Variants in GLRA2 observed in about 807,000 individuals in gnomAD.
GLRA2 encodes the protein glycine receptor subunit alpha-2.
In GLRA2, 11 loss-of-function variants were observed where a neutral mutation model predicts 31.6. The observed-to-expected ratio is 0.35, with a 90% CI of 0.22 to 0.58. The LOEUF (loss-of-function observed/expected upper bound fraction) is 0.58, where lower values mean the gene tolerates loss of function less well. Ranked by LOEUF, GLRA2 falls within the 20% of genes least tolerant of loss-of-function variation. GLRA2 has a pLI of 0.84. For synonymous variants in GLRA2, 132 were observed against 134.0 expected, an observed-to-expected ratio of 0.99 and a Z score of 0.10; for missense variants, 212 against 351.8, an observed-to-expected ratio of 0.60 and a Z score of 3.18.
Position 14,690,717 on chromosome X carries a change from A to G in GLRA2, c.938A>G (p.Tyr313Cys). Residue 313 changes from tyrosine (Y) to cysteine (C), a missense_variant, in exon 8 of 9, where the codon TAT becomes TGT. Physicochemically the swap from Tyr to Cys is radical, Grantham distance 194. Transcript: ENST00000218075. The part of the protein sequence containing the change: ...GSRASLPKVS[Y>C]VKAIDIWMAV... The stretch of plus-strand genomic sequence containing the variant: ...TCTCTCTCTCTCTCTCAGGTCTCCT[A>G]TGTAAAAGCGATTGACATCTGGATG... 8.5e-7 allele frequency: 1 copy of G among 1,180,269 alleles called. No individual in the cohort carries two copies. The highest frequency in any genetic ancestry group is 1.2e-6 in the Non-Finnish European group (1 of 868,485).
intron 7 of GLRA2, among the ~76,000 whole-genome samples, chrX:14,630,813 T>C (rs1315074505): frequency 2.8e-5 from 3 of 108,670 alleles, no homozygotes. Context: ...CTTTTTTTTT[T>C]TTTTTTTTAA....
At chrX:14,455,008 CT>C in the GLRA2 span, among the ~76,000 whole-genome samples, 1 of 111,730 alleles carries the variant, frequency 9.0e-6, no homozygotes, top group African/African-American at 3.2e-5. Flanking sequence ...GTTTGTTCTT[CT>C]GTTAATTTGC....
At chrX:14,544,402 C>T (rs1002905656) in intron 2 of GLRA2, among the ~76,000 whole-genome samples, 2 of 109,224 alleles carry the variant, frequency 1.8e-5, no homozygotes, top group African/African-American at 6.5e-5. Context: ...GAAGAATTTT[C>T]TTTTGGATTG....
At chrX:14,518,569 C>T in the GLRA2 span, among the ~76,000 whole-genome samples, 542 of 111,615 alleles carry the variant, frequency 4.9e-3, 4 homozygotes, top group African/African-American at 0.017. Context: ...TGTACAATTA[C>T]ATAATATTGA....
At chrX:14,580,460 G>A (rs2090004523) in intron 3 of GLRA2, among the ~76,000 whole-genome samples, 2 of 111,476 alleles carry the variant, frequency 1.8e-5, no homozygotes, top group Admixed American at 1.9e-4. Flanking sequence ...CTGCCCCCAA[G>A]CTATTCATTA....
At chrX:14,481,503 C>T in the GLRA2 span, among the ~76,000 whole-genome samples, 12 of 111,190 alleles carry the variant, frequency 1.1e-4, no homozygotes, top group East Asian at 3.4e-3. Context: ...ATCCAGCTGC[C>T]CATTCTCTTG....
intron 8 of GLRA2, among the ~76,000 whole-genome samples, chrX:14,702,689 C>A (rs1296822470): frequency 9.0e-6 from 1 of 111,192 alleles, no homozygotes; most frequent in Non-Finnish European, 1.9e-5. Context: ...AGGTTAAAAT[C>A]AAGGTATTGG....
At chrX:14,540,721 A>G (rs764846537) in intron 2 of GLRA2, among the ~76,000 whole-genome samples, 4 of 111,558 alleles carry the variant, frequency 3.6e-5, no homozygotes, top group African/African-American at 1.3e-4. Context: ...ATCCCAATAG[A>G]TAAGTGCTAT....
rs1030719044 is a variant in GLRA2, at chrX:14,590,810, A to G, written c.494+9404A>G. On this transcript the variant is annotated intron_variant, in intron 4 of 8. Transcript: ENST00000218075. Reference sequence around the variant, plus strand: ...GACTTAAGTAATTAATGTCTGTAACATAAGCGTCCACATCAGAATTAAGCA... The same window carrying G: ...GACTTAAGTAATTAATGTCTGTAACGTAAGCGTCCACATCAGAATTAAGCA... Among the ~76,000 whole-genome samples, 5 of 112,381 alleles carry G rather than the reference A, an allele frequency of 4.4e-5. No homozygotes were observed. In the Admixed American group the frequency reaches 4.7e-4, roughly 11 times the overall value.
chrX:14,715,237 A>G (rs1201222153), intron 8 of GLRA2, among the ~76,000 whole-genome samples: 2 of 112,551 alleles, frequency 1.8e-5, no homozygotes, highest in Non-Finnish European at 3.8e-5. Flanking sequence ...GGTGTTTCAA[A>G]AATAGAAAAC....
chrX:14,463,740 G>T, the GLRA2 span, among the ~76,000 whole-genome samples: 5 of 110,153 alleles, frequency 4.5e-5, no homozygotes, highest in Non-Finnish European at 9.5e-5. Context: ...TGCAGTAGTT[G>T]GGCAGGAGTG....
chrX:14,625,329 C>A (rs752724761), intron 7 of GLRA2, among the ~76,000 whole-genome samples: 1 of 110,978 alleles, frequency 9.0e-6, no homozygotes, highest in Non-Finnish European at 1.9e-5. Context: ...TTTTAATTGG[C>A]GCATTTAGCC....
At chrX:14,656,480 T>C (rs936453724) in intron 7 of GLRA2, among the ~76,000 whole-genome samples, 1 of 111,915 alleles carries the variant, frequency 8.9e-6, no homozygotes, top group African/African-American at 3.2e-5. Context: ...TTCAATGACA[T>C]GTTCATGGTT....
intron 3 of GLRA2, among the ~76,000 whole-genome samples, chrX:14,575,162 A>G (rs965628305): frequency 1.8e-5 from 2 of 108,802 alleles, no homozygotes; most frequent in Non-Finnish European, 3.8e-5. Flanking sequence ...TGTTTCATAT[A>G]TCTGAAAAAG....
chrX:14,685,776 T>C (rs147201296), intron 7 of GLRA2, among the ~76,000 whole-genome samples: 25,293 of 110,814 alleles, frequency 0.23, 2,190 homozygotes, highest in Middle Eastern at 0.26. Flanking sequence ...CCTGGATTCA[T>C]TGATTTTTTG....
At chrX:14,533,247 T>C (rs1453058998) in intron 2 of GLRA2, among the ~76,000 whole-genome samples, 1 of 110,581 alleles carries the variant, frequency 9.0e-6, no homozygotes, top group East Asian at 2.8e-4. Flanking sequence ...GAGAAACCTA[T>C]AATGTTCTGG....
At chrX:14,595,713 A>T (rs1389169351) in intron 4 of GLRA2, among the ~76,000 whole-genome samples, 2 of 111,413 alleles carry the variant, frequency 1.8e-5, no homozygotes, top group Non-Finnish European at 3.8e-5. Flanking sequence ...GCTCTACCCG[A>T]TCACTGTGAG....
In GLRA2 at chrX:14,599,391, G is replaced by A. The variant is rs2090243138; in HGVS notation, c.495-4924G>A. ...GAAGTCTGAGTGTCCAGGCAAGTTC[G>A]GAAGACTACTGGCTTCCCGACTAAA... On this transcript the variant is annotated intron_variant, in intron 4 of 8. Coordinates refer to ENST00000218075, the MANE Select transcript of GLRA2 (RefSeq NM_002063.4). 3.6e-5 allele frequency among the ~76,000 whole-genome samples: 4 copies of A among 112,194 alleles called. No individual in the cohort carries two copies. In the Admixed American group the frequency reaches 3.8e-4, roughly 11 times the overall value.
At chrX:14,616,921 C>T (rs768519601) in intron 7 of GLRA2, among the ~76,000 whole-genome samples, 45 of 111,667 alleles carry the variant, frequency 4.0e-4, no homozygotes, top group Non-Finnish European at 7.9e-4. Context: ...CTTTCCCTCC[C>T]GACATTTCCC....
Sources: gnomAD v4.1 joint callset for allele counts (sites outside exome capture counted in the v4.1 genomes callset) on GRCh38, gnomAD v4.1.1 for gene constraint, MANE v1.5 for transcripts, NCBI Gene and HGNC (gene_info 2026-07-23, HGNC 2026-07-21) for gene names.